Variants in THSD7A observed in about 807,000 individuals in gnomAD.
The protein encoded by THSD7A is thrombospondin type 1 domain containing 7A.
In THSD7A, 96 loss-of-function variants were observed where a neutral mutation model predicts 231.3. That is an observed-to-expected ratio of 0.41 (90% CI 0.35 to 0.49). The LOEUF is 0.49. Ranked by LOEUF, THSD7A falls within the 20% of genes least tolerant of loss-of-function variation. The pLI, the probability that THSD7A is intolerant of heterozygous loss-of-function variation, is 0.05. For synonymous variants in THSD7A, 940 were observed against 743.3 expected, an observed-to-expected ratio of 1.26 and a Z score of -4.30; for missense variants, 2,290 against 2,070.2, an observed-to-expected ratio of 1.11 and a Z score of -2.06.
intron 1 of THSD7A, among the ~76,000 whole-genome samples, chr7:11,742,205 C>G (rs1340220428): frequency 2.0e-5 from 3 of 151,824 alleles, no homozygotes; most frequent in Admixed American, 6.6e-5. Context: ...AGTATAAGAA[C>G]AGATATAAAT....
intron 1 of THSD7A, among the ~76,000 whole-genome samples, chr7:11,739,951 A>G (rs1191519944): frequency 6.6e-6 from 1 of 151,988 alleles, no homozygotes; most frequent in Non-Finnish European, 1.5e-5. Context: ...TGGTATCAAA[A>G]CAATGGATTG....
intron 1 of THSD7A, among the ~76,000 whole-genome samples, chr7:11,733,626 C>A (rs1781810721): frequency 6.6e-6 from 1 of 151,714 alleles, no homozygotes. Flanking sequence ...ACACAGAAGG[C>A]AGGAAGTGAA....
At chr7:11,419,202 T>TCTC (rs1784058727) in intron 16 of THSD7A, among the ~76,000 whole-genome samples, 1 of 152,128 alleles carries the variant, frequency 6.6e-6, no homozygotes, top group Non-Finnish European at 1.5e-5. Flanking sequence ...TTCAAAGATT[T>TCTC]CTCTTGATAT....
At chr7:11,529,789 T>C (rs1438827986) in intron 6 of THSD7A, among the ~76,000 whole-genome samples, 3 of 152,186 alleles carry the variant, frequency 2.0e-5, no homozygotes, top group Non-Finnish European at 2.9e-5. Context: ...GATACACTAA[T>C]ACAGTAAGCA....
chr7:11,802,857 G>A (rs1270909976), intron 1 of THSD7A, among the ~76,000 whole-genome samples: 3 of 151,974 alleles, frequency 2.0e-5, no homozygotes, highest in Non-Finnish European at 2.9e-5. Context: ...GTGAAGTTCC[G>A]TGCTATGTTA....
intron 24 of THSD7A, among the ~76,000 whole-genome samples, chr7:11,380,446 C>G (rs1030822258): frequency 2.8e-4 from 42 of 152,220 alleles, no homozygotes; most frequent in African/African-American, 9.9e-4. Flanking sequence ...AGAATTTTAG[C>G]AAAACAAAAT....
intron 4 of THSD7A, among the ~76,000 whole-genome samples, chr7:11,553,539 A>G (rs1385967159): frequency 6.6e-6 from 1 of 152,086 alleles, no homozygotes; most frequent in Non-Finnish European, 1.5e-5. Flanking sequence ...TGTATAATTT[A>G]CTATTTAAGA....
At chr7:11,389,435 T>TGC (rs1782893683) in intron 23 of THSD7A, among the ~76,000 whole-genome samples, 1 of 49,640 alleles carries the variant, frequency 2.0e-5, no homozygotes, top group Non-Finnish European at 3.9e-5. Flanking sequence ...TTTTTTTTTT[T>TGC]TTTTTTTTTT....
rs1194867779 is a variant in THSD7A at position 11,406,158 on chromosome 7, A to T, written c.4237+142T>A. Reference sequence around the variant, plus strand: ...AGACAGCGTCCCGTTCCCCACAGGCATAGTGTTGAGCTGTTGGCATAGATA... The same window carrying T: ...AGACAGCGTCCCGTTCCCCACAGGCTTAGTGTTGAGCTGTTGGCATAGATA... On this transcript the variant is annotated intron_variant, in intron 22 of 27. Coordinates refer to ENST00000423059, the MANE Select transcript of THSD7A (RefSeq NM_015204.3). This position sits in a 1 kb window ranked among gnomAD's most constrained non-coding sequence, Gnocchi z 4.7. 2.4e-6 allele frequency: 2 copies of T among 829,550 alleles called. No homozygotes were observed. The highest frequency in any genetic ancestry group is 2.7e-5 in the East Asian group (1 of 36,556). The allele number at this position is 829,550 out of a possible 1,614,324, so 51.4% of individuals were successfully genotyped here. A position where few individuals can be genotyped will look rare whatever the true frequency, so the allele number is the denominator to read the frequency against.
intron 11 of THSD7A, among the ~76,000 whole-genome samples, chr7:11,458,427 GAA>G (rs1224700145): frequency 6.6e-6 from 1 of 152,046 alleles, no homozygotes; most frequent in Non-Finnish European, 1.5e-5. Context: ...AGGAAACAAA[GAA>G]AAAGACTGTC....
chr7:11,680,210 T>C (rs1418776281), intron 1 of THSD7A, among the ~76,000 whole-genome samples: 1 of 152,034 alleles, frequency 6.6e-6, no homozygotes, highest in Non-Finnish European at 1.5e-5. Context: ...TCAAGATGGA[T>C]TAAGGACTTC....
chr7:11,741,443 T>C (rs938143747), intron 1 of THSD7A, among the ~76,000 whole-genome samples: 3 of 151,916 alleles, frequency 2.0e-5, no homozygotes, highest in African/African-American at 4.8e-5. Context: ...ACATAATTTA[T>C]GGTTAATTTT....
chr7:11,469,028 T>G (rs1290027986), intron 9 of THSD7A, among the ~76,000 whole-genome samples: 1 of 152,076 alleles, frequency 6.6e-6, no homozygotes, highest in Non-Finnish European at 1.5e-5. Flanking sequence ...TTTGATTAAA[T>G]TTTGACAACT....
At chr7:11,781,602 G>C (rs1381644161) in intron 1 of THSD7A, among the ~76,000 whole-genome samples, 1 of 152,134 alleles carries the variant, frequency 6.6e-6, no homozygotes, top group Non-Finnish European at 1.5e-5. Flanking sequence ...TACAAATAAA[G>C]TAGATATTAT....
chr7:11,588,484 C>A (rs538597160), intron 4 of THSD7A, among the ~76,000 whole-genome samples: 1 of 152,106 alleles, frequency 6.6e-6, no homozygotes, highest in Non-Finnish European at 1.5e-5. Context: ...AATTAGTTAC[C>A]TCCATATCTA....
At chr7:11,770,183 C>T (rs1583276044) in intron 1 of THSD7A, among the ~76,000 whole-genome samples, 2 of 151,976 alleles carry the variant, frequency 1.3e-5, no homozygotes, top group Non-Finnish European at 2.9e-5. Flanking sequence ...TTAGTTGAAT[C>T]ACCCTCTATT....
chr7:11,674,160 C>T (rs955485020), intron 1 of THSD7A, among the ~76,000 whole-genome samples: 1 of 151,982 alleles, frequency 6.6e-6, no homozygotes, highest in African/African-American at 2.4e-5. Context: ...ACTAAATCCC[C>T]CCTTGGGACA....
At chr7:11,581,793 CAT>C (rs1314756088) in intron 4 of THSD7A, among the ~76,000 whole-genome samples, 1 of 152,004 alleles carries the variant, frequency 6.6e-6, no homozygotes, top group African/African-American at 2.4e-5. Context: ...ACACTGTACA[CAT>C]ATATGGCAAA....
chr7:11,677,753 T>G (rs1265024112), intron 1 of THSD7A, among the ~76,000 whole-genome samples: 3 of 151,842 alleles, frequency 2.0e-5, no homozygotes, highest in Admixed American at 2.0e-4. Context: ...GTGGGAGACT[T>G]TAACACCACA....
Sources: allele counts gnomAD v4.1 joint callset (sites outside exome capture counted in the v4.1 genomes callset), GRCh38; gene constraint gnomAD v4.1.1; non-coding constraint Gnocchi (gnomAD v3.1); transcripts MANE v1.5; gene names NCBI Gene and HGNC (gene_info 2026-07-23, HGNC 2026-07-21).